Variants in HTR2C observed in about 807,000 individuals in gnomAD.
The protein encoded by HTR2C is 5-hydroxytryptamine receptor 2C.
HTR2C carries 5 observed loss-of-function variants against 21.0 expected under a neutral mutation model. The observed-to-expected ratio is 0.24, with a 90% CI of 0.12 to 0.50. The LOEUF (loss-of-function observed/expected upper bound fraction) is 0.50, where lower values mean the gene tolerates loss of function less well. HTR2C is among the 20% of genes least tolerant of loss of function. The pLI is 0.98. For synonymous variants in HTR2C, 150 were observed against 145.3 expected (o/e 1.03, Z -0.23); for missense variants, 271 against 371.2 (o/e 0.73, Z 2.22).
chrX:114,825,274 A>C (rs2070668720), intron 4 of HTR2C, among the ~76,000 whole-genome samples: 1 of 111,715 alleles, frequency 9.0e-6, no homozygotes, highest in South Asian at 3.7e-4. Flanking sequence ...ATTCCCTTTG[A>C]GTACTACTTT....
intron 4 of HTR2C, among the ~76,000 whole-genome samples, chrX:114,814,128 C>T (rs1003557345): frequency 1.0e-4 from 11 of 109,320 alleles, no homozygotes; most frequent in African/African-American, 3.3e-4. Context: ...AGATGTCATT[C>T]TAGGCAAGAC....
intron 5 of HTR2C, among the ~76,000 whole-genome samples, chrX:114,901,897 G>A (rs1434861761): frequency 5.4e-5 from 6 of 110,880 alleles, no homozygotes; most frequent in Non-Finnish European, 1.1e-4. Flanking sequence ...ATATATAAAA[G>A]TATATAACAA....
chrX:114,751,866 TACTC>T (rs2069763047), intron 4 of HTR2C, among the ~76,000 whole-genome samples: 1 of 111,702 alleles, frequency 9.0e-6, no homozygotes, highest in South Asian at 3.7e-4. Flanking sequence ...TTCAAATTCC[TACTC>T]ACTCCAAATT....
At chrX:114,830,052 G>T (rs903803522) in intron 4 of HTR2C, among the ~76,000 whole-genome samples, 3 of 111,436 alleles carry the variant, frequency 2.7e-5, no homozygotes. Context: ...TAAATCTGTA[G>T]GTCACTTTGA....
chrX:114,680,579 CAT>C (rs1251479020), intron 2 of HTR2C, among the ~76,000 whole-genome samples: 1 of 111,744 alleles, frequency 8.9e-6, no homozygotes, highest in African/African-American at 3.3e-5. Context: ...GTTAGTCTGA[CAT>C]AGTGTGTTTG....
intron 1 of HTR2C, among the ~76,000 whole-genome samples, chrX:114,587,071 C>T (rs1213455570): frequency 3.6e-5 from 4 of 111,679 alleles, no homozygotes; most frequent in Non-Finnish European, 7.5e-5. Context: ...TTTTACTGTT[C>T]CATGTATTTC....
At chrX:114,837,862 T>C (rs2070801205) in intron 4 of HTR2C, among the ~76,000 whole-genome samples, 1 of 111,655 alleles carries the variant, frequency 9.0e-6, no homozygotes, top group Non-Finnish European at 1.9e-5. Context: ...GTAATTGAAA[T>C]ACATTTATTG....
chrX:114,751,791 G>T (rs2069762443), intron 4 of HTR2C, among the ~76,000 whole-genome samples: 1 of 111,304 alleles, frequency 9.0e-6, no homozygotes, highest in East Asian at 2.8e-4. Flanking sequence ...TTGCAGTCAT[G>T]TATTTCCACA....
At chrX:114,614,180 T>C (rs1928859268) in intron 2 of HTR2C, among the ~76,000 whole-genome samples, 1 of 111,393 alleles carries the variant, frequency 9.0e-6, no homozygotes, top group Admixed American at 9.5e-5. Context: ...TAAAGTATGA[T>C]AGTATAAATT....
chrX:114,669,963 G>A (rs781795580), intron 2 of HTR2C, among the ~76,000 whole-genome samples: 7 of 112,046 alleles, frequency 6.2e-5, no homozygotes, highest in Non-Finnish European at 1.3e-4. Context: ...GCTGCCAGAC[G>A]TGGTGGTTCA....
intron 5 of HTR2C, among the ~76,000 whole-genome samples, chrX:114,883,626 A>G (rs1433215621): frequency 1.8e-5 from 2 of 109,543 alleles, no homozygotes; most frequent in African/African-American, 6.6e-5. Flanking sequence ...ATGTTTATTC[A>G]CCTAAAAGTA....
In HTR2C at chrX:114,819,517, A is replaced by G. The variant is rs781867397; in HGVS notation, c.350-28486A>G. Among the ~76,000 whole-genome samples, 87 of 112,682 alleles carry G rather than the reference A, an allele frequency of 7.7e-4. 1 individual carries two copies. The highest frequency in any genetic ancestry group is 1.4e-3 in the Non-Finnish European group (76 of 53,342). On this transcript the variant is annotated intron_variant, in intron 4 of 5. Transcript: ENST00000276198. ...GGGTTGTGACACATGCATATTGAAT[A>G]CACATGCATATAACATATGACCCAT...
At chrX:114,814,948 T>G (rs1187318406) in intron 4 of HTR2C, among the ~76,000 whole-genome samples, 16 of 102,966 alleles carry the variant, frequency 1.6e-4, no homozygotes, top group Non-Finnish European at 3.9e-5. Context: ...ATATACTATA[T>G]TATATATTAT....
chrX:114,776,538 C>T (rs1278204105), intron 4 of HTR2C: 1 of 534,417 alleles, frequency 1.9e-6, no homozygotes, highest in African/African-American at 2.3e-5. Flanking sequence ...ACAACAGCAT[C>T]ATCAAATCTG....
chrX:114,585,944 A>G (rs1179073191), intron 1 of HTR2C, among the ~76,000 whole-genome samples: 2 of 110,668 alleles, frequency 1.8e-5, no homozygotes, highest in African/African-American at 6.6e-5. Flanking sequence ...AATGCGGCGC[A>G]CTGAGTAACC....
chrX:114,886,519 G>A (rs782068676), intron 5 of HTR2C, among the ~76,000 whole-genome samples: 2 of 109,658 alleles, frequency 1.8e-5, no homozygotes, highest in South Asian at 7.8e-4. Flanking sequence ...TTCTTTAGTG[G>A]CAACTCTAGG....
intron 2 of HTR2C, among the ~76,000 whole-genome samples, chrX:114,621,899 G>A (rs1322175028): frequency 2.7e-5 from 3 of 111,463 alleles, no homozygotes; most frequent in African/African-American, 9.8e-5. Context: ...AGCAGTGGGG[G>A]ATGCTATTAA....
intron 2 of HTR2C, among the ~76,000 whole-genome samples, chrX:114,726,408 C>A (rs781881051): frequency 0.02 from 2,276 of 112,173 alleles, 31 homozygotes; most frequent in Non-Finnish European, 0.034. Flanking sequence ...GACCTGCGCC[C>A]ACTGTCTGGC....
intron 3 of HTR2C, among the ~76,000 whole-genome samples, chrX:114,728,777 T>G (rs1037261836): frequency 3.6e-5 from 4 of 111,728 alleles, no homozygotes; most frequent in African/African-American, 1.3e-4. Flanking sequence ...AAATTCATAA[T>G]TTGACATAAT....
Sources: allele counts gnomAD v4.1 joint callset (sites outside exome capture counted in the v4.1 genomes callset), GRCh38; gene constraint gnomAD v4.1.1; transcripts MANE v1.5; gene names NCBI Gene and HGNC (gene_info 2026-07-23, HGNC 2026-07-21).